The following SPPL3 variants were observed in gnomAD, a reference collection of about 807,000 sequenced individuals.
SPPL3 encodes the protein signal peptide peptidase like 3.
Under a neutral mutation model 42.4 loss-of-function variants are expected in SPPL3, and 5 were observed. The observed-to-expected ratio is 0.12, with a 90% confidence interval of 0.06 to 0.25. The LOEUF (loss-of-function observed/expected upper bound fraction) is 0.25. Ranked by LOEUF, SPPL3 falls within the 10% of genes least tolerant of loss-of-function variation. SPPL3 has a pLI of 1.00. For synonymous variants in SPPL3, 195 were observed against 181.8 expected, an observed-to-expected ratio of 1.07 and a Z score of -0.58; for missense variants, 235 against 489.0, an observed-to-expected ratio of 0.48 and a Z score of 4.90.
At chr12:120,771,112 C>CA (rs1180268210) in intron 6 of SPPL3, among the ~76,000 whole-genome samples, 1 of 152,226 alleles carries the variant, frequency 6.6e-6, no homozygotes, top group African/African-American at 2.4e-5. Flanking sequence ...TAACCCCTAA[C>CA]AAGTCTCTTC....
chr12:120,797,050 A>T (rs536628851), intron 2 of SPPL3, among the ~76,000 whole-genome samples: 73 of 152,252 alleles, frequency 4.8e-4, no homozygotes, highest in African/African-American at 1.7e-3. Context: ...GGTGCCTGTA[A>T]TCCGAGCTAC....
intron 2 of SPPL3, among the ~76,000 whole-genome samples, chr12:120,796,896 G>A (rs1870116076): frequency 6.6e-6 from 1 of 152,264 alleles, no homozygotes; most frequent in East Asian, 1.9e-4. Flanking sequence ...GTGAGGGTGG[G>A]TGCAGTGGTT....
At chr12:120,851,443 T>A (rs1872220146) in intron 1 of SPPL3, among the ~76,000 whole-genome samples, 1 of 104 alleles carries the variant, frequency 9.6e-3, no homozygotes, top group Non-Finnish European at 0.036. Context: ...TCTCAGTCAT[T>A]TTTTTTTTTG....
chr12:120,871,128 T>A (rs1872906983), intron 1 of SPPL3, among the ~76,000 whole-genome samples: 1 of 6,358 alleles, frequency 1.6e-4, no homozygotes, highest in South Asian at 0.021. Context: ...AGACTCCGTC[T>A]CCAAAAAAAA....
At chr12:120,843,071 C>G (rs901503490) in intron 1 of SPPL3, among the ~76,000 whole-genome samples, 3 of 152,104 alleles carry the variant, frequency 2.0e-5, no homozygotes, top group African/African-American at 7.2e-5. Flanking sequence ...CCCAGGAATG[C>G]AGATACAAGA....
At chr12:120,795,885 C>T (rs1056502456) in intron 2 of SPPL3, among the ~76,000 whole-genome samples, 1 of 152,146 alleles carries the variant, frequency 6.6e-6, no homozygotes, top group Non-Finnish European at 1.5e-5. Context: ...TCAATGATAG[C>T]TCCATTATGA....
chr12:120,894,247 C>T (rs1335430557), intron 1 of SPPL3, among the ~76,000 whole-genome samples: 1 of 152,154 alleles, frequency 6.6e-6, no homozygotes, highest in African/African-American at 2.4e-5. Flanking sequence ...TCACTTGAAC[C>T]CGGGAGGCAG....
At chr12:120,874,227 C>T (rs939161712) in intron 1 of SPPL3, among the ~76,000 whole-genome samples, 10 of 151,978 alleles carry the variant, frequency 6.6e-5, no homozygotes, top group Middle Eastern at 6.8e-3. Flanking sequence ...CCGAGGAAGG[C>T]GAATCACCTG....
chr12:120,888,934 C>T (rs533544244), intron 1 of SPPL3, among the ~76,000 whole-genome samples: 16 of 152,090 alleles, frequency 1.1e-4, no homozygotes, highest in South Asian at 2.1e-4. Context: ...CTCAGCCTCC[C>T]GAGTAAATAG....
intron 4 of SPPL3, 151 bp downstream of exon 4, chr12:120,784,323 G>T (rs1869640298): frequency 1.5e-6 from 1 of 655,700 alleles, no homozygotes. Flanking sequence ...GTTGGGGAAG[G>T]GTGGCGTGGT....
chr12:120,840,411 T>C (rs1325016855), intron 1 of SPPL3, among the ~76,000 whole-genome samples: 2 of 151,738 alleles, frequency 1.3e-5, no homozygotes, highest in Non-Finnish European at 2.9e-5. Flanking sequence ...ATTCCATTTA[T>C]ATGAAATGTC....
intron 1 of SPPL3, among the ~76,000 whole-genome samples, chr12:120,856,294 AAAG>A (rs1479271536): frequency 6.6e-6 from 1 of 151,742 alleles, no homozygotes; most frequent in Non-Finnish European, 1.5e-5. Context: ...GAAAAAAAAA[AAAG>A]AAACACAAAG....
At chr12:120,845,422 A>T (rs935256953) in intron 1 of SPPL3, 1 of 396,312 alleles carries the variant, frequency 2.5e-6, no homozygotes, top group Non-Finnish European at 5.0e-6. Flanking sequence ...TAGTGGCACC[A>T]CAGAGGCCGG....
intron 1 of SPPL3, among the ~76,000 whole-genome samples, chr12:120,851,672 C>T (rs958375891): frequency 1.1e-4 from 16 of 152,142 alleles, no homozygotes; most frequent in Admixed American, 5.2e-4. Flanking sequence ...GGCGCAAACA[C>T]GACTGACTGG....
intron 1 of SPPL3, among the ~76,000 whole-genome samples, chr12:120,873,879 T>A (rs893239164): frequency 1.3e-5 from 2 of 151,200 alleles, no homozygotes; most frequent in Non-Finnish European, 2.9e-5. Flanking sequence ...CTCAAAAAAA[T>A]TAATTAATTA....
In SPPL3 at chr12:120,809,368, C is replaced by A. The variant is rs1041145854; in HGVS notation, c.101+1441G>T. Among the ~76,000 whole-genome samples the A allele has an allele frequency of 7.9e-5, 12 of 151,464 alleles. No homozygotes were observed. In the East Asian group the frequency reaches 2.3e-3, roughly 29 times the overall value. On this transcript the variant is annotated intron_variant, in intron 2 of 10. Coordinates refer to ENST00000353487, the MANE Select transcript of SPPL3 (RefSeq NM_139015.5). ...TCAAAAAAAAAAACACCAAAAAAAA[C>A]CTTTTATCGGTGTATACTGAAATTA...
rs573155951 is a variant in SPPL3 at position 120,880,799 on chromosome 12, A to C, written c.23+23046T>G. Among the ~76,000 whole-genome samples, 47 of 152,026 alleles carry C rather than the reference A, an allele frequency of 3.1e-4. 1 individual carries two copies. Among genetic ancestry groups the C allele is most frequent in the African/African-American group, 1.1e-3 (46 of 41,402 alleles). ...GAGACTCCGTCTCGGGGGAAAAAAA[A>C]ATTATTTGCAAATCATATAACTGAT... On this transcript the variant is annotated intron_variant, in intron 1 of 10. Coordinates refer to ENST00000353487, the MANE Select transcript of SPPL3 (RefSeq NM_139015.5).
intron 1 of SPPL3, among the ~76,000 whole-genome samples, chr12:120,832,055 A>G (rs933307822): frequency 3.3e-5 from 5 of 152,218 alleles, no homozygotes; most frequent in Non-Finnish European, 7.3e-5. Context: ...CTCAAACTGT[A>G]AATTCATAAT....
chr12:120,841,092 G>T (rs964586009), intron 1 of SPPL3, among the ~76,000 whole-genome samples: 1 of 152,148 alleles, frequency 6.6e-6, no homozygotes, highest in East Asian at 1.9e-4. Flanking sequence ...TTGGGAAGCT[G>T]AGACAGGTGG....
Sources: gnomAD v4.1 joint callset for allele counts (sites outside exome capture counted in the v4.1 genomes callset) on GRCh38, gnomAD v4.1.1 for gene constraint, MANE v1.5 for transcripts, NCBI Gene and HGNC (gene_info 2026-07-23, HGNC 2026-07-21) for gene names.